The following PRKCA variants were observed in gnomAD, a reference collection of about 807,000 sequenced individuals.
PRKCA encodes protein kinase C alpha type.
PRKCA carries 27 observed loss-of-function variants against 87.0 expected under a neutral mutation model. The ratio of observed to expected loss-of-function variants is 0.31; its 90% CI spans 0.23 to 0.43. PRKCA has a LOEUF of 0.43. Among genes scored for constraint, PRKCA ranks in the 20% least tolerant of loss-of-function variants. The pLI, the probability that PRKCA is intolerant of heterozygous loss-of-function variation, is 1.00. For missense variants in PRKCA, 518 were observed against 852.3 expected (o/e 0.61, Z 4.88); for synonymous variants, 329 against 311.1 (o/e 1.06, Z -0.61).
At chr17:66,731,775 C>CT (rs796884841) in intron 8 of PRKCA, among the ~76,000 whole-genome samples, 1,040 of 71,440 alleles carry the variant, frequency 0.015, 72 homozygotes, top group Middle Eastern at 0.023. Context: ...TGCTCCCTTT[C>CT]TTTTTTTTTT....
chr17:66,452,077 G>T (rs1914352041), intron 2 of PRKCA, among the ~76,000 whole-genome samples: 1 of 152,140 alleles, frequency 6.6e-6, no homozygotes, highest in Non-Finnish European at 1.5e-5. Context: ...AGCCGTGTAT[G>T]GCCCCTCCAT....
chr17:66,515,393 GCTC>G (rs1426064337), intron 3 of PRKCA, among the ~76,000 whole-genome samples: 1 of 152,016 alleles, frequency 6.6e-6, no homozygotes, highest in Admixed American at 6.6e-5. Flanking sequence ...TCTTTTCAAT[GCTC>G]CTATTGCTGT....
intron 3 of PRKCA, among the ~76,000 whole-genome samples, chr17:66,565,052 T>C (rs1278822757): frequency 6.6e-6 from 1 of 152,054 alleles, no homozygotes; most frequent in East Asian, 1.9e-4. Flanking sequence ...CAAAGGAGGC[T>C]TTAGGATATG....
intron 2 of PRKCA, among the ~76,000 whole-genome samples, chr17:66,338,694 G>A (rs1267369302): frequency 6.6e-6 from 1 of 152,128 alleles, no homozygotes; most frequent in East Asian, 1.9e-4. Context: ...GCTTTGAGGA[G>A]CCTACAGTGG....
chr17:66,586,632 T>C (rs1969606070), intron 3 of PRKCA, among the ~76,000 whole-genome samples: 1 of 152,244 alleles, frequency 6.6e-6, no homozygotes, highest in Admixed American at 6.5e-5. Flanking sequence ...TGGTGCTTTA[T>C]TGATGCTCAG....
intron 3 of PRKCA, among the ~76,000 whole-genome samples, chr17:66,630,594 T>C (rs1158953193): frequency 6.6e-6 from 1 of 152,254 alleles, no homozygotes; most frequent in African/African-American, 2.4e-5. Flanking sequence ...TGTTCCTTCA[T>C]CTCTAGGTCC....
chr17:66,755,063 C>T (rs1974517893), intron 13 of PRKCA, among the ~76,000 whole-genome samples: 1 of 152,166 alleles, frequency 6.6e-6, no homozygotes, highest in African/African-American at 2.4e-5. Context: ...GCTCCACAGT[C>T]ACCTTCCCGA....
intron 2 of PRKCA, among the ~76,000 whole-genome samples, chr17:66,323,448 T>A (rs1905798300): frequency 1.3e-5 from 2 of 152,208 alleles, no homozygotes; most frequent in South Asian, 4.1e-4. Flanking sequence ...TATGATAAAA[T>A]GGTTTATGTT....
At chr17:66,802,275 C>T (rs1975918697) in intron 16 of PRKCA, among the ~76,000 whole-genome samples, 1 of 152,034 alleles carries the variant, frequency 6.6e-6, no homozygotes, top group Non-Finnish European at 1.5e-5. Context: ...TCATAAAGAC[C>T]TTACTTTGAA....
At chr17:66,530,074 A>G (rs534863247) in intron 3 of PRKCA, among the ~76,000 whole-genome samples, 1 of 152,168 alleles carries the variant, frequency 6.6e-6, no homozygotes, top group Admixed American at 6.5e-5. Context: ...TTCTTGGAAA[A>G]TGGATGATAT....
chr17:66,634,614 G>A (rs2143765062), intron 3 of PRKCA, among the ~76,000 whole-genome samples: 1 of 152,314 alleles, frequency 6.6e-6, no homozygotes, highest in East Asian at 1.9e-4. Flanking sequence ...AGTGTGCTTT[G>A]TTAAGGATTT....
chr17:66,744,084 C>T (rs568569325), intron 13 of PRKCA, among the ~76,000 whole-genome samples: 1 of 152,028 alleles, frequency 6.6e-6, no homozygotes, highest in Non-Finnish European at 1.5e-5. Context: ...CTTTTTATTC[C>T]TTTGTGAAGA....
intron 3 of PRKCA, among the ~76,000 whole-genome samples, chr17:66,549,285 G>GC (rs1271764913): frequency 1.3e-5 from 2 of 152,110 alleles, no homozygotes; most frequent in Non-Finnish European, 2.9e-5. Context: ...GAGCTCGGAT[G>GC]CATGCTCAGT....
At chr17:66,342,440 TAAATAA>T (rs1306748450) in intron 2 of PRKCA, among the ~76,000 whole-genome samples, 8 of 84,230 alleles carry the variant, frequency 9.5e-5, no homozygotes, top group Non-Finnish European at 1.7e-4. Context: ...TAAAATAAAA[TAAATAA>T]TAATAATAAT....
At chr17:66,740,158 GGA>G (rs201064061) in intron 11 of PRKCA, among the ~76,000 whole-genome samples, 2 of 141,444 alleles carry the variant, frequency 1.4e-5, no homozygotes, top group African/African-American at 5.3e-5. Context: ...GTTTGAGGGG[GGA>G]GATTCATGAG....
At chr17:66,558,616 T>C (rs556493232) in intron 3 of PRKCA, among the ~76,000 whole-genome samples, 12 of 152,198 alleles carry the variant, frequency 7.9e-5, no homozygotes, top group South Asian at 2.1e-4. Flanking sequence ...GTAAGAGTTA[T>C]AAGGTTTTAG....
intron 3 of PRKCA, among the ~76,000 whole-genome samples, chr17:66,628,502 T>C (rs1356653853): frequency 6.6e-6 from 1 of 152,182 alleles, no homozygotes; most frequent in Non-Finnish European, 1.5e-5. Flanking sequence ...TCTCTTTTTT[T>C]CTCTCTCATC....
intron 2 of PRKCA, among the ~76,000 whole-genome samples, chr17:66,417,917 A>G (rs1352335272): frequency 2.0e-5 from 3 of 152,078 alleles, no homozygotes; most frequent in Admixed American, 2.0e-4. Flanking sequence ...TTTTATTTCT[A>G]TGGTAACTCC....
At chr17:66,642,255 G>A (rs61762398) in intron 4 of PRKCA, among the ~76,000 whole-genome samples, 14,914 of 151,616 alleles carry the variant, frequency 0.098, 779 homozygotes, top group Middle Eastern at 0.18. Context: ...TCAGCCTCCC[G>A]AGTAGCTGGG....
Sources: gnomAD v4.1 joint callset for allele counts (sites outside exome capture counted in the v4.1 genomes callset) on GRCh38, gnomAD v4.1.1 for gene constraint, MANE v1.5 for transcripts, NCBI Gene and HGNC (gene_info 2026-07-23, HGNC 2026-07-21) for gene names.